MS4A14: variants seen among roughly 807,000 people sequenced by gnomAD.
MS4A14 encodes the protein membrane spanning 4-domains A14, also known as membrane-spanning 4-domains subfamily A member 14.
MS4A14 carries 18 observed loss-of-function variants against 16.7 expected under a neutral mutation model. The observed-to-expected ratio is 1.08, with a 90% confidence interval of 0.75 to 1.60. The LOEUF is 1.60. Among genes scored for constraint, MS4A14 ranks in the 40% most tolerant of loss-of-function variants. MS4A14 has a pLI of 0.00. For missense variants in MS4A14, 812 were observed against 775.3 expected, an observed-to-expected ratio of 1.05 and a Z score of -0.56; for synonymous variants, 305 against 289.4, an observed-to-expected ratio of 1.05 and a Z score of -0.55.
chr11:60,403,181 G>A (rs769272874), intron 4 of MS4A14, 120 bp downstream of exon 4: 1 of 1,077,004 alleles, frequency 9.3e-7, no homozygotes, highest in Non-Finnish European at 1.4e-6. Flanking sequence ...TGAACTGACG[G>A]TTGAGAAGGG....
chr11:60,407,788 T>C (rs1309966236), intron 4 of MS4A14, among the ~76,000 whole-genome samples: 1 of 151,854 alleles, frequency 6.6e-6, no homozygotes, highest in Non-Finnish European at 1.5e-5. Flanking sequence ...ATTGGCCTTA[T>C]AGCAGCCTAA....
intron 2 of MS4A14, 127 bp downstream of exon 2, chr11:60,398,107 A>C: frequency 1.1e-6 from 1 of 907,666 alleles, no homozygotes; most frequent in Non-Finnish European, 1.6e-6. Context: ...AGCTCCCTTC[A>C]CGGCAAAAGA....
chr11:60,411,242 T>C (rs980543785), intron 4 of MS4A14, among the ~76,000 whole-genome samples: 4 of 152,236 alleles, frequency 2.6e-5, no homozygotes, highest in African/African-American at 9.6e-5. Context: ...TTGTTTTGGC[T>C]ATTCAGGGCC....
Position 60,417,190 on chromosome 11 carries a change from C to T in MS4A14, c.*182C>T. On this transcript the variant is annotated 3_prime_UTR_variant, in exon 5 of 5. Transcript: ENST00000300187. ...AATGTCAAGACACTCAAGATAAAGA[C>T]CAACAAGACCTTCAATCCAGAGTTA... is the stretch of plus-strand genomic sequence containing the variant. 1.5e-6 allele frequency: 1 copy of T among 651,738 alleles called. No homozygotes were observed. Among genetic ancestry groups the T allele is most frequent in the Non-Finnish European group, 2.5e-6 (1 of 404,046 alleles). The allele number at this position is 651,738 out of a possible 1,614,324, so 40.4% of individuals were successfully genotyped here.
At position 60,403,081 on chromosome 11, in the gene MS4A14, A is replaced by G. The variant is rs760104245; in HGVS notation, c.468+20A>G. On this transcript the variant is annotated intron_variant, in intron 4 of 4. Coordinates refer to ENST00000300187, the MANE Select transcript of MS4A14 (RefSeq NM_032597.5). Reference sequence around the variant, plus strand: ...TTCATTGTAAGTGGTCTTATTTTGCATGAAGAATCCCTAAAATCTTCTCTG... The same window carrying G: ...TTCATTGTAAGTGGTCTTATTTTGCGTGAAGAATCCCTAAAATCTTCTCTG... 9.3e-6 allele frequency: 15 copies of G among 1,610,616 alleles called. No individual in the cohort carries two copies. The highest frequency in any genetic ancestry group is 1.3e-5 in the Non-Finnish European group (15 of 1,177,192).
intron 3 of MS4A14, among the ~76,000 whole-genome samples, chr11:60,401,338 A>T (rs1430823702): frequency 6.6e-6 from 1 of 152,212 alleles, no homozygotes; most frequent in Non-Finnish European, 1.5e-5. Flanking sequence ...GGGAGGGCAG[A>T]TAAATGTTTC....
intron 3 of MS4A14, 30 bp from the exon 4 acceptor site, chr11:60,402,880 ATT>A (rs754393975): frequency 2.5e-5 from 40 of 1,598,092 alleles, no homozygotes; most frequent in Admixed American, 5.2e-5. Context: ...TTTCGATCTT[ATT>A]TATTTTATCA....
chr11:60,404,837 T>C (rs2085764146), intron 4 of MS4A14, among the ~76,000 whole-genome samples: 1 of 152,228 alleles, frequency 6.6e-6, no homozygotes, highest in African/African-American at 2.4e-5. Flanking sequence ...TTTAGTTAGG[T>C]AAATAATTAT....
At chr11:60,400,508 C>A in intron 3 of MS4A14, 54 bp downstream of exon 3, 1 of 1,275,794 alleles carries the variant, frequency 7.8e-7, no homozygotes, top group Non-Finnish European at 1.1e-6. Flanking sequence ...TTTATATCAT[C>A]TTTATGTATG....
At chr11:60,407,152 C>G (rs1173714758) in intron 4 of MS4A14, among the ~76,000 whole-genome samples, 1 of 151,610 alleles carries the variant, frequency 6.6e-6, no homozygotes, top group African/African-American at 2.4e-5. Flanking sequence ...ATAGCTGGGA[C>G]TGCAAGCATG....
At position 60,416,369 on chromosome 11, in the gene MS4A14, G is replaced by C. The variant is rs145054362; in HGVS notation, c.1401G>C (p.Glu467Asp). The change falls in exon 5 of 5, where the codon GAG (glutamate) becomes GAC (aspartate). Residue 467 changes from glutamate to aspartate, a missense_variant. Coordinates refer to ENST00000300187, the MANE Select transcript of MS4A14 (RefSeq NM_032597.5). ...YQDIRSEVME[E>D]TKEWKSEEEL... ...ATATTAGATCAGAAGTTATGGAAGA[G>C]ACCAAAGAATGGAAATCTGAGGAGG... 1.2e-6 allele frequency: 2 copies of C among 1,613,972 alleles called. No homozygotes were observed. The highest frequency in any genetic ancestry group is 1.7e-6 in the Non-Finnish European group (2 of 1,179,950).
chr11:60,416,536 A>G lies in MS4A14; in HGVS notation c.1568A>G (p.Lys523Arg). The change falls in exon 5 of 5, where the codon AAA (lysine) becomes AGA (arginine). Residue 523 changes from lysine (K) to arginine (R), a missense_variant. Transcript: ENST00000300187. ...SKRHSLDQQS[K>R]GWQSPKQKSL... ...AGGCATTCCTTAGATCAGCAAAGCA[A>G]AGGCTGGCAATCTCCAAAGCAGAAA... The G allele has an allele frequency of 3.7e-6, 6 of 1,613,928 alleles. No individual in the cohort carries two copies. The highest frequency in any genetic ancestry group is 4.2e-6 in the Non-Finnish European group (5 of 1,179,940).
chr11:60,400,414 C>T lies in MS4A14; in HGVS notation c.278C>T (p.Thr93Ile), dbSNP rs1421782541. Residue 93 changes from threonine to isoleucine, a missense_variant, in exon 3 of 5, where the codon ACA becomes ATA. By Grantham distance (89) the Thr-to-Ile change is moderately conservative. Transcript: ENST00000300187. ...TTGTCTTCTTAACAGTTTATTCTTA[C>T]AGGATACCTCACAGTAACCGATAAG... ...PFWGALIFILTGYLTVTDKKS... is the reference protein window; with the variant it reads ...PFWGALIFILIGYLTVTDKKS... The T allele has an allele frequency of 1.2e-6, 2 of 1,603,518 alleles. No individual in the cohort carries two copies. Among genetic ancestry groups the T allele is most frequent in the Non-Finnish European group, 1.7e-6 (2 of 1,172,278 alleles).
Position 60,400,444 on chromosome 11 carries a change from C to A in MS4A14, c.308C>A (p.Ser103Ter). 1.2e-6 allele frequency: 2 copies of A among 1,605,270 alleles called. No homozygotes were observed. Among genetic ancestry groups the A allele is most frequent in the South Asian group, 2.2e-5 (2 of 90,196 alleles). Residue 103 changes from serine to a stop codon, truncating the protein, a stop_gained, in exon 3 of 5, where the codon TCA (serine) becomes TAA (stop). Transcript: ENST00000300187. LOFTEE classifies it high-confidence loss of function. ...TGYLTVTDKK[S>*]KLLGQGVTGM... Reference sequence around the variant, plus strand: ...TACCTCACAGTAACCGATAAGAAATCAAAACTTCTGGTAAGCCACTTAAAC... The same window carrying A: ...TACCTCACAGTAACCGATAAGAAATAAAAACTTCTGGTAAGCCACTTAAAC...
In MS4A14 at chr11:60,397,854, T is replaced by C; in HGVS notation, c.141T>C (p.Ala47=). The C allele has an allele frequency of 6.2e-7, 1 of 1,606,238 alleles. No homozygotes were observed. Among genetic ancestry groups the C allele is most frequent in the Non-Finnish European group, 8.5e-7 (1 of 1,176,798 alleles). The change falls in exon 2 of 5, where the codon GCT becomes GCC. Residue 47 remains alanine (A), a splice_region_variant and synonymous_variant. Coordinates refer to ENST00000300187, the MANE Select transcript of MS4A14 (RefSeq NM_032597.5). ...TGTACCCATTTCTCTCCTCACAGGC[T>C]ACCCAGATCCTGCTTGCTCTAATCA... ...FLKGEPRVLG[A]TQILLALIIV...
chr11:60,402,850 A>G, intron 3 of MS4A14, 62 bp from the exon 4 acceptor site: 1 of 1,522,588 alleles, frequency 6.6e-7, no homozygotes, highest in South Asian at 1.2e-5. Context: ...AAAATTTCTT[A>G]CAAGATATTT....
intron 2 of MS4A14, among the ~76,000 whole-genome samples, chr11:60,399,495 C>T (rs1277235735): frequency 2.6e-5 from 4 of 152,174 alleles, no homozygotes; most frequent in Non-Finnish European, 5.9e-5. Flanking sequence ...AATGGAACTT[C>T]AATGTGAAAG....
chr11:60,406,676 C>CT (rs898620260), intron 4 of MS4A14, among the ~76,000 whole-genome samples: 10 of 151,986 alleles, frequency 6.6e-5, no homozygotes, highest in African/African-American at 1.4e-4. Context: ...CTAGCTCTCT[C>CT]TTTTTTTTAC....
chr11:60,411,085 A>T (rs2085862753), intron 4 of MS4A14, among the ~76,000 whole-genome samples: 1 of 152,164 alleles, frequency 6.6e-6, no homozygotes, highest in South Asian at 2.1e-4. Context: ...ACCTCAGGTG[A>T]TCCACCCGCC....
Sources: allele counts gnomAD v4.1 joint callset (sites outside exome capture counted in the v4.1 genomes callset), GRCh38; gene constraint gnomAD v4.1.1; transcripts MANE v1.5; gene names NCBI Gene and HGNC (gene_info 2026-07-23, HGNC 2026-07-21).